The following MAN2A1 variants were observed in gnomAD, a reference collection of about 807,000 sequenced individuals.
The protein encoded by MAN2A1 is alpha-mannosidase 2.
Under a neutral mutation model 142.6 loss-of-function variants are expected in MAN2A1, and 76 were observed. The observed-to-expected ratio is 0.53, with a 90% CI of 0.44 to 0.65. MAN2A1 has a LOEUF of 0.65. Among genes scored for constraint, MAN2A1 ranks in the 30% least tolerant of loss-of-function variants. The pLI is 0.00. For synonymous variants in MAN2A1, 559 were observed against 473.2 expected (o/e 1.18, Z -2.35); for missense variants, 1,311 against 1,365.1 (o/e 0.96, Z 0.62).
intron 12 of MAN2A1, among the ~76,000 whole-genome samples, chr5:109,800,924 A>T (rs1754011374): frequency 6.6e-6 from 1 of 152,222 alleles, no homozygotes; most frequent in Non-Finnish European, 1.5e-5. Context: ...ATCCATAGTG[A>T]TGAACCCTTA....
At chr5:109,767,445 A>C in intron 5 of MAN2A1, 90 bp from the exon 6 acceptor site, 4 of 1,038,298 alleles carry the variant, frequency 3.9e-6, no homozygotes, top group Non-Finnish European at 5.7e-6. Flanking sequence ...CTAGGAGACT[A>C]TACAATGACA....
Position 109,855,454 on chromosome 5 carries a change from G to A in MAN2A1, c.3171+120G>A, listed in dbSNP as rs190391380. 473 of 587,350 alleles carry A rather than the reference G, an allele frequency of 8.1e-4. 2 individuals carry two copies. The highest frequency in any genetic ancestry group is 1.0e-3 in the Non-Finnish European group (381 of 374,604). The allele number at this position is 587,350 out of a possible 1,614,324, so 36.4% of individuals were successfully genotyped here. ...CTATGCTTTGAGGAATTATTAACAG[G>A]GCTTCACCTTTAGCCAAAAGCTTCA... On this transcript the variant is annotated intron_variant, in intron 20 of 21. Transcript: ENST00000261483.
intron 4 of MAN2A1, among the ~76,000 whole-genome samples, chr5:109,739,458 G>A (rs534160010): frequency 6.6e-6 from 1 of 152,080 alleles, no homozygotes; most frequent in South Asian, 2.1e-4. Flanking sequence ...TTAATTTGTT[G>A]TATTTACTGT....
chr5:109,783,689 T>C (rs1265453142), intron 9 of MAN2A1, among the ~76,000 whole-genome samples: 1 of 147,310 alleles, frequency 6.8e-6, no homozygotes, highest in Non-Finnish European at 1.5e-5. Context: ...AAAACATGTT[T>C]CGTGTATAGA....
At chr5:109,696,926 A>C (rs954059076) in intron 1 of MAN2A1, among the ~76,000 whole-genome samples, 3 of 152,254 alleles carry the variant, frequency 2.0e-5, no homozygotes, top group African/African-American at 7.2e-5. Flanking sequence ...TGTTACAAAA[A>C]ATTTCAAGGA....
intron 13 of MAN2A1, among the ~76,000 whole-genome samples, chr5:109,819,415 A>G (rs1754560688): frequency 1.3e-5 from 2 of 152,214 alleles, no homozygotes; most frequent in Admixed American, 6.5e-5. Context: ...AACATCTGAT[A>G]CAATGTAAAT....
In MAN2A1 at chr5:109,846,001, A is replaced by G. The variant is rs143767104; in HGVS notation, c.2837A>G (p.Asn946Ser). The G allele has an allele frequency of 9.9e-6, 16 of 1,611,624 alleles. No individual in the cohort carries two copies. The highest frequency in any genetic ancestry group is 1.3e-5 in the African/African-American group (1 of 74,734). The change falls in exon 18 of 22, where the codon AAT becomes AGT. Residue 946 changes from asparagine to serine, a missense_variant. This residue lies in a region of MAN2A1 where 890 missense variants were observed against 920.5 expected (regional missense o/e 0.97). Coordinates refer to ENST00000261483, the MANE Select transcript of MAN2A1 (RefSeq NM_002372.4). ...SAQSLGVSSL[N>S]SGQIEVIMDR... ...CAGTCATTAGGGGTTTCGAGTTTGAATAGTGGTATGTATTGCTTACACTCT... is the reference window on the plus strand; with the variant it reads ...CAGTCATTAGGGGTTTCGAGTTTGAGTAGTGGTATGTATTGCTTACACTCT...
At chr5:109,790,863 A>T (rs1753720553) in intron 12 of MAN2A1, among the ~76,000 whole-genome samples, 1 of 152,076 alleles carries the variant, frequency 6.6e-6, no homozygotes, top group Admixed American at 6.6e-5. Context: ...GGGTGCAGTG[A>T]GGCAGGGCTG....
intron 1 of MAN2A1, among the ~76,000 whole-genome samples, chr5:109,713,072 A>G (rs1370488380): frequency 2.0e-5 from 3 of 152,140 alleles, no homozygotes; most frequent in African/African-American, 7.2e-5. Context: ...ATTATCCACT[A>G]GTGTTAAGGG....
intron 20 of MAN2A1, among the ~76,000 whole-genome samples, chr5:109,859,520 T>C (rs1358386105): frequency 2.6e-5 from 4 of 152,148 alleles, no homozygotes; most frequent in Admixed American, 2.0e-4. Context: ...TCCTATTCTG[T>C]TGGCCTGTCT....
At chr5:109,829,345 G>A (rs1311086736) in intron 16 of MAN2A1, among the ~76,000 whole-genome samples, 1 of 152,188 alleles carries the variant, frequency 6.6e-6, no homozygotes, top group African/African-American at 2.4e-5. Flanking sequence ...GGAATGAGCA[G>A]GAGCATTATG....
chr5:109,826,754 C>T (rs964593719), intron 16 of MAN2A1, among the ~76,000 whole-genome samples: 1 of 152,210 alleles, frequency 6.6e-6, no homozygotes, highest in East Asian at 1.9e-4. Context: ...TCAGCGTTCA[C>T]GCTGCCTGAA....
chr5:109,802,474 G>A (rs997086824), intron 12 of MAN2A1, among the ~76,000 whole-genome samples: 8 of 152,128 alleles, frequency 5.3e-5, no homozygotes, highest in Non-Finnish European at 7.4e-5. Flanking sequence ...TAGTTCTGTA[G>A]AGTATTGGTT....
intron 19 of MAN2A1, chr5:109,854,412 T>G (rs1755555986): frequency 6.6e-6 from 1 of 152,142 alleles, no homozygotes; most frequent in African/African-American, 2.4e-5. Flanking sequence ...GCATTTTAAA[T>G]TATATGGAAT....
chr5:109,692,537 A>G (rs1052883352), intron 1 of MAN2A1, among the ~76,000 whole-genome samples: 6 of 151,996 alleles, frequency 3.9e-5, no homozygotes, highest in Non-Finnish European at 7.4e-5. Context: ...TGGCGAGGGG[A>G]CTGAGGCACT....
chr5:109,819,121 G>A (rs1200412832), intron 13 of MAN2A1, among the ~76,000 whole-genome samples: 1 of 152,110 alleles, frequency 6.6e-6, no homozygotes, highest in Admixed American at 6.5e-5. Flanking sequence ...TTTCAGTATA[G>A]TATATAATAA....
At chr5:109,855,084 AT>A in intron 19 of MAN2A1, 55 bp from the exon 20 acceptor site, 1 of 882,808 alleles carries the variant, frequency 1.1e-6, no homozygotes, top group Non-Finnish European at 1.6e-6. Flanking sequence ...AATTCTGTTA[AT>A]ATGATGAGAA....
At chr5:109,733,940 C>T (rs1752003315) in intron 4 of MAN2A1, among the ~76,000 whole-genome samples, 1 of 152,040 alleles carries the variant, frequency 6.6e-6, no homozygotes, top group Non-Finnish European at 1.5e-5. Flanking sequence ...AGGAATGGTA[C>T]CAGTTCCTCC....
At chr5:109,757,905 G>T (rs563756607) in intron 5 of MAN2A1, among the ~76,000 whole-genome samples, 2 of 152,086 alleles carry the variant, frequency 1.3e-5, no homozygotes, top group African/African-American at 4.8e-5. Context: ...ATAATATTCT[G>T]TTGTATGGAT....
Sources: allele counts gnomAD v4.1 joint callset (sites outside exome capture counted in the v4.1 genomes callset), GRCh38; gene constraint gnomAD v4.1.1; regional missense constraint gnomAD v4.1.1; transcripts MANE v1.5; gene names NCBI Gene and HGNC (gene_info 2026-07-23, HGNC 2026-07-21).